The following ALG8 variants were observed in gnomAD, a reference collection of about 807,000 sequenced individuals.
The protein encoded by ALG8 is dolichyl pyrophosphate Glc1Man9GlcNAc2 alpha-1,3-glucosyltransferase.
In ALG8, 48 loss-of-function variants were observed where a neutral mutation model predicts 70.2. The observed-to-expected ratio is 0.68, with a 90% confidence interval of 0.54 to 0.87. The LOEUF is 0.87. Ranked by LOEUF, ALG8 falls within the 40% of genes least tolerant of loss-of-function variation. ALG8 has a pLI of 0.00. For synonymous variants in ALG8, 234 were observed against 229.0 expected (o/e 1.02, Z -0.20); for missense variants, 572 against 608.7 (o/e 0.94, Z 0.64).
At position 78,112,743 on chromosome 11, in the gene ALG8, G is replaced by C. The variant is rs1014913784; in HGVS notation, c.805C>G (p.Leu269Val). The change falls in exon 8 of 13, where the codon CTC (leucine) becomes GTC (valine). Residue 269 changes from leucine to valine, a missense_variant. By Grantham distance (32) the Leu-to-Val change is conservative. Coordinates refer to ENST00000299626, the MANE Select transcript of ALG8 (RefSeq NM_024079.5). The part of the protein sequence containing the change: ...LNQLPQVFSR[L>V]FPFKRGLCHA... ...CAGAGGCCCCTCTTGAAAGGAAAGA[G>C]TCGGGAAAAGACTTGAGGCAGCTGA... The C allele has an allele frequency of 2.5e-6, 4 of 1,613,970 alleles. No individual in the cohort carries two copies. The East Asian group carries it at 8.9e-5, about 36-fold the overall frequency.
chr11:78,122,342 ATT>A (rs375214398), intron 3 of ALG8, among the ~76,000 whole-genome samples: 29 of 138,824 alleles, frequency 2.1e-4, no homozygotes, highest in Non-Finnish European at 2.3e-4. Flanking sequence ...AGAGATTTCA[ATT>A]TTTTTTTTTT....
chr11:78,104,615 G>A, intron 10 of ALG8, 162 bp from the exon 11 acceptor site: 1 of 639,342 alleles, frequency 1.6e-6, no homozygotes, highest in Non-Finnish European at 2.7e-6. Context: ...TTTTTAGTAG[G>A]AAATTTTAAG....
At position 78,119,216 on chromosome 11, in the gene ALG8, C is replaced by T. The variant is rs577023142; in HGVS notation, c.512G>A (p.Gly171Glu). The T allele has an allele frequency of 1.2e-6, 2 of 1,611,950 alleles. No individual in the cohort carries two copies. Among genetic ancestry groups the T allele is most frequent in the African/African-American group, 1.3e-5 (1 of 74,912 alleles). The part of the protein sequence containing the change: ...IHFQYNGFLF[G>E]LMLLSIARLF... Reference sequence around the variant, plus strand: ...TCGTGCAATGGAGAGTAGCATTAATCCAAATAAAAAGCCATTGTACTGAAA... The same window carrying T: ...TCGTGCAATGGAGAGTAGCATTAATTCAAATAAAAAGCCATTGTACTGAAA... The change falls in exon 5 of 13, where the codon GGA (glycine) becomes GAA (glutamate). Residue 171 changes from glycine (G) to glutamate (E), a missense_variant. Transcript: ENST00000299626.
intron 10 of ALG8, 165 bp from the exon 11 acceptor site, chr11:78,104,618 A>G (rs986099826): frequency 4.8e-6 from 3 of 629,594 alleles, no homozygotes; most frequent in Non-Finnish European, 8.2e-6. Context: ...TTAGTAGGAA[A>G]TTTTAAGCAA....
chr11:78,124,790 A>T (rs1266836910), intron 2 of ALG8, among the ~76,000 whole-genome samples: 1 of 152,208 alleles, frequency 6.6e-6, no homozygotes, highest in Non-Finnish European at 1.5e-5. Flanking sequence ...TATATTTATA[A>T]ACAACAAAAT....
At chr11:78,121,376 C>T (rs1482730251) in intron 3 of ALG8, among the ~76,000 whole-genome samples, 3 of 149,710 alleles carry the variant, frequency 2.0e-5, no homozygotes, top group African/African-American at 7.4e-5. Context: ...AACTCCTGGG[C>T]TCAAGCAATC....
At chr11:78,113,039 AAGC>A (rs1233010406) in intron 7 of ALG8, among the ~76,000 whole-genome samples, 1 of 152,198 alleles carries the variant, frequency 6.6e-6, no homozygotes, top group Non-Finnish European at 1.5e-5. Flanking sequence ...ACAAGCTACA[AAGC>A]AGAACACAGA....
At position 78,104,365 on chromosome 11, in the gene ALG8, T is replaced by C; in HGVS notation, c.1267A>G (p.Thr423Ala). Reference sequence around the variant, plus strand: ...AGAAGACGCTGTTTACCTGGTGCAGTGAAGAGCAGAGGAAAGAGGGAATAA... The same window carrying C: ...AGAAGACGCTGTTTACCTGGTGCAGCGAAGAGCAGAGGAAAGAGGGAATAA... Reference protein sequence around the residue: ...GHYSLFPLLFTAPELPIKILL... With the variant: ...GHYSLFPLLFAAPELPIKILL... The change falls in exon 11 of 13, where the codon ACT (threonine) becomes GCT (alanine). Residue 423 changes from threonine (T) to alanine (A), a missense_variant. By Grantham distance (58) the Thr-to-Ala change is moderately conservative. Transcript: ENST00000299626. The C allele has an allele frequency of 6.3e-7, 1 of 1,592,562 alleles. No individual in the cohort carries two copies. The highest frequency in any genetic ancestry group is 1.1e-5 in the South Asian group (1 of 87,036).
chr11:78,126,064 C>G (rs953842813), intron 2 of ALG8, among the ~76,000 whole-genome samples: 1 of 151,726 alleles, frequency 6.6e-6, no homozygotes. Flanking sequence ...GAGGCTGAGG[C>G]AGGAGAATGG....
chr11:78,121,003 T>A, intron 4 of ALG8, 62 bp downstream of exon 4: 1 of 1,397,688 alleles, frequency 7.2e-7, no homozygotes, highest in Non-Finnish European at 1.0e-6. Flanking sequence ...TAGAAAACAT[T>A]AATCTTGTAT....
At chr11:78,115,391 C>CA (rs1565351563) in intron 5 of ALG8, among the ~76,000 whole-genome samples, 1 of 150,824 alleles carries the variant, frequency 6.6e-6, no homozygotes, top group East Asian at 2.0e-4. Flanking sequence ...TTCCAGCTAG[C>CA]TTTTTTTTTG....
intron 1 of ALG8, among the ~76,000 whole-genome samples, chr11:78,138,533 A>G (rs1861649191): frequency 6.6e-6 from 1 of 152,184 alleles, no homozygotes; most frequent in African/African-American, 2.4e-5. Context: ...TTCTATACAT[A>G]TGACTCTCCC....
chr11:78,125,779 G>T (rs568393641), intron 2 of ALG8, among the ~76,000 whole-genome samples: 1 of 151,858 alleles, frequency 6.6e-6, no homozygotes. Flanking sequence ...ATTGCACTCC[G>T]GCCTGGGTGA....
intron 5 of ALG8, among the ~76,000 whole-genome samples, chr11:78,118,027 C>T (rs1188704378): frequency 4.7e-5 from 7 of 148,490 alleles, no homozygotes; most frequent in African/African-American, 2.5e-5. Flanking sequence ...GCCAAGATCG[C>T]GCCACTGCAC....
intron 8 of ALG8, among the ~76,000 whole-genome samples, chr11:78,111,612 G>A (rs1413422164): frequency 6.6e-6 from 1 of 151,990 alleles, no homozygotes; most frequent in African/African-American, 2.4e-5. Flanking sequence ...TTAAACAAAT[G>A]TGTGCATACA....
At chr11:78,127,289 T>G in intron 2 of ALG8, 69 bp downstream of exon 2, 2 of 1,401,254 alleles carry the variant, frequency 1.4e-6, no homozygotes, top group South Asian at 2.4e-5. Flanking sequence ...AAAACATTTT[T>G]AATATCAGTA....
chr11:78,101,842 A>T (rs971418042), intron 12 of ALG8, among the ~76,000 whole-genome samples: 11 of 151,896 alleles, frequency 7.2e-5, no homozygotes, highest in East Asian at 5.8e-4. Context: ...TTGAAGATTT[A>T]AAAAAAATTT....
chr11:78,106,799 C>T lies in ALG8; in HGVS notation c.1178+8G>A, dbSNP rs977617976. ...CCAAAATGCTCACTGGCTGAGCTAT[C>T]TGCTTACCTCATTGGGAGAATTGCT... On this transcript the variant is annotated splice_region_variant and intron_variant, in intron 10 of 12. Transcript: ENST00000299626. The T allele has an allele frequency of 6.2e-7, 1 of 1,613,788 alleles. No individual in the cohort carries two copies. The highest frequency in any genetic ancestry group is 1.1e-5 in the South Asian group (1 of 91,088).
chr11:78,125,539 G>A (rs924389188), intron 2 of ALG8, among the ~76,000 whole-genome samples: 1 of 150,436 alleles, frequency 6.6e-6, no homozygotes, highest in Non-Finnish European at 1.5e-5. Flanking sequence ...GCCGAGGCAG[G>A]TGGATCACCT....
Sources: allele counts gnomAD v4.1 joint callset (sites outside exome capture counted in the v4.1 genomes callset), GRCh38; gene constraint gnomAD v4.1.1; transcripts MANE v1.5; gene names NCBI Gene and HGNC (gene_info 2026-07-23, HGNC 2026-07-21).